The following SUPT3H variants were observed in gnomAD, a reference collection of about 807,000 sequenced individuals.
SUPT3H encodes the protein transcription initiation protein SPT3 homolog.
In SUPT3H, 44 loss-of-function variants were observed where a neutral mutation model predicts 44.3. The observed-to-expected ratio is 0.99, with a 90% CI of 0.78 to 1.28. The LOEUF (loss-of-function observed/expected upper bound fraction) is 1.28, where lower values mean the gene tolerates loss of function less well. SUPT3H is among the 50% of genes most tolerant of loss of function. SUPT3H has a pLI of 0.00. For synonymous variants in SUPT3H, 124 were observed against 125.6 expected, an observed-to-expected ratio of 0.99 and a Z score of 0.09; for missense variants, 380 against 387.1, an observed-to-expected ratio of 0.98 and a Z score of 0.15.
intron 6 of SUPT3H, among the ~76,000 whole-genome samples, chr6:45,002,254 A>AC (rs372937378): frequency 8.4e-4 from 128 of 151,920 alleles, no homozygotes; most frequent in African/African-American, 3.0e-3. Flanking sequence ...TACCCTGCTG[A>AC]CCCCCAGTTT....
At chr6:45,177,321 G>A (rs1338882907) in intron 2 of SUPT3H, among the ~76,000 whole-genome samples, 5 of 151,814 alleles carry the variant, frequency 3.3e-5, no homozygotes, top group East Asian at 1.9e-4. Context: ...GGGTATCAGT[G>A]ATGGAAGATG....
At chr6:45,331,988 T>C (rs566924104) in intron 2 of SUPT3H, among the ~76,000 whole-genome samples, 3 of 152,086 alleles carry the variant, frequency 2.0e-5, no homozygotes, top group South Asian at 4.1e-4. Flanking sequence ...AGCTAACTCA[T>C]TGAAGGCACT....
intron 2 of SUPT3H, among the ~76,000 whole-genome samples, chr6:45,260,183 G>A (rs1774118467): frequency 6.6e-6 from 1 of 152,170 alleles, no homozygotes; most frequent in African/African-American, 2.4e-5. Context: ...TATCTCCTGT[G>A]AGTTGACTCA....
At chr6:44,850,943 A>G (rs1319971833) in intron 10 of SUPT3H, among the ~76,000 whole-genome samples, 1 of 152,136 alleles carries the variant, frequency 6.6e-6, no homozygotes, top group East Asian at 1.9e-4. Context: ...TTTGTTCAAG[A>G]TTTGCTAGTA....
chr6:45,220,726 T>C (rs1158738824), intron 2 of SUPT3H, among the ~76,000 whole-genome samples: 2 of 152,120 alleles, frequency 1.3e-5, no homozygotes, highest in Non-Finnish European at 2.9e-5. Flanking sequence ...GAGTGAACCC[T>C]AGAAGAAAAC....
intron 2 of SUPT3H, among the ~76,000 whole-genome samples, chr6:45,127,960 T>G (rs1802693079): frequency 6.6e-6 from 1 of 152,188 alleles, no homozygotes; most frequent in Non-Finnish European, 1.5e-5. Context: ...CTTCCTGTAT[T>G]TTGAAGCTCT....
At chr6:45,299,464 G>C (rs1300871995) in intron 2 of SUPT3H, among the ~76,000 whole-genome samples, 1 of 151,984 alleles carries the variant, frequency 6.6e-6, no homozygotes, top group Non-Finnish European at 1.5e-5. Flanking sequence ...GAAGATTAGA[G>C]ATTTTAATTC....
intron 10 of SUPT3H, among the ~76,000 whole-genome samples, chr6:44,860,115 C>T (rs1774390091): frequency 1.3e-5 from 2 of 152,084 alleles, no homozygotes; most frequent in South Asian, 4.2e-4. Flanking sequence ...AGTGGGCTGT[C>T]CCAAGGCTGA....
intron 2 of SUPT3H, among the ~76,000 whole-genome samples, chr6:45,154,389 T>C (rs539372416): frequency 6.6e-6 from 1 of 152,186 alleles, no homozygotes; most frequent in Admixed American, 6.5e-5. Context: ...AAGAAAGGTA[T>C]CTTATGCCAG....
At chr6:45,230,686 A>ATTTTTTTTTTTTTTTTT (rs1554294714) in intron 2 of SUPT3H, among the ~76,000 whole-genome samples, 10 of 116,818 alleles carry the variant, frequency 8.6e-5, no homozygotes, top group Non-Finnish European at 7.3e-5. Flanking sequence ...ATATATATAT[A>ATTTTTTTTTTTTTTTTT]TTTTTGAGAT....
intron 3 of SUPT3H, among the ~76,000 whole-genome samples, chr6:45,063,829 C>G (rs1583330454): frequency 7.0e-6 from 1 of 142,438 alleles, no homozygotes; most frequent in Admixed American, 7.2e-5. Flanking sequence ...AAATCTACGT[C>G]TGATTGGTGT....
chr6:45,055,206 T>C (rs946552741), intron 3 of SUPT3H, among the ~76,000 whole-genome samples: 2 of 152,160 alleles, frequency 1.3e-5, no homozygotes, highest in African/African-American at 2.4e-5. Flanking sequence ...TCCATGCTCA[T>C]GGAGGGTAGA....
chr6:45,210,023 C>T (rs1186644704), intron 2 of SUPT3H, among the ~76,000 whole-genome samples: 2 of 152,098 alleles, frequency 1.3e-5, no homozygotes, highest in East Asian at 1.9e-4. Flanking sequence ...GACTATGACA[C>T]ATTGAAGGCT....
intron 10 of SUPT3H, among the ~76,000 whole-genome samples, chr6:44,908,081 T>C (rs62436375): frequency 0.21 from 32,526 of 151,872 alleles, 4,040 homozygotes; most frequent in Non-Finnish European, 0.29. Context: ...CAACTCCCCA[T>C]GTGTCCAAAG....
chr6:44,985,437 T>C (rs1444840541), intron 6 of SUPT3H, among the ~76,000 whole-genome samples: 1 of 151,918 alleles, frequency 6.6e-6, no homozygotes, highest in African/African-American at 2.4e-5. Context: ...TCCCAATTCA[T>C]AAATACGTTG....
intron 6 of SUPT3H, among the ~76,000 whole-genome samples, chr6:44,966,839 A>C (rs527923681): frequency 1.3e-5 from 2 of 152,372 alleles, no homozygotes; most frequent in South Asian, 4.1e-4. Context: ...GTCACTGAAT[A>C]ATCACAGATG....
chr6:44,839,795 G>A lies in SUPT3H; in HGVS notation c.913-9938C>T, dbSNP rs1018452837. Among the ~76,000 whole-genome samples the A allele has an allele frequency of 1.6e-4, 24 of 151,172 alleles. No homozygotes were observed. In the East Asian group the frequency reaches 4.0e-3, roughly 25 times the overall value. Reference sequence around the variant, plus strand: ...CGGCTCACTGCAAGCTCCACCTCCCGGGTTCATGCCATTCTCCTGCCTCAG... The same window carrying A: ...CGGCTCACTGCAAGCTCCACCTCCCAGGTTCATGCCATTCTCCTGCCTCAG... On this transcript the variant is annotated intron_variant, in intron 10 of 10. Coordinates refer to ENST00000371459, the MANE Select transcript of SUPT3H (RefSeq NM_003599.4).
chr6:44,839,740 C>T (rs563147499), intron 10 of SUPT3H, among the ~76,000 whole-genome samples: 5 of 151,210 alleles, frequency 3.3e-5, no homozygotes, highest in East Asian at 2.0e-4. Flanking sequence ...CTCTCTCTGT[C>T]GCCCAGGCTG....
At chr6:44,914,692 A>C in intron 10 of SUPT3H, among the ~76,000 whole-genome samples, 1 of 152,210 alleles carries the variant, frequency 6.6e-6, no homozygotes, top group Non-Finnish European at 1.5e-5. Context: ...ATTGGACTCT[A>C]TCAGGTGGCT....
Sources: gnomAD v4.1 joint callset for allele counts (sites outside exome capture counted in the v4.1 genomes callset) on GRCh38, gnomAD v4.1.1 for gene constraint, MANE v1.5 for transcripts, NCBI Gene and HGNC (gene_info 2026-07-23, HGNC 2026-07-21) for gene names.